The following PCDHGC5 variants were observed in gnomAD, a reference collection of about 807,000 sequenced individuals.
The protein encoded by PCDHGC5 is protocadherin gamma-C5.
Under a neutral mutation model 59.0 loss-of-function variants are expected in PCDHGC5, and 25 were observed. The observed-to-expected ratio is 0.42, with a 90% confidence interval of 0.31 to 0.59. PCDHGC5 has a LOEUF of 0.59. Ranked by LOEUF, PCDHGC5 falls within the 20% of genes least tolerant of loss-of-function variation. PCDHGC5 has a pLI of 0.13. For missense variants in PCDHGC5, 1,067 were observed against 1,206.4 expected (o/e 0.88, Z 1.71); for synonymous variants, 434 against 505.5 (o/e 0.86, Z 1.90).
Position 141,489,338 on chromosome 5 carries a change from A to T in PCDHGC5, c.98A>T (p.Tyr33Phe), listed in dbSNP as rs1303176012. 1 of 1,608,414 alleles carries T rather than the reference A, an allele frequency of 6.2e-7. No homozygotes were observed. Among genetic ancestry groups the T allele is most frequent in the South Asian group, 1.1e-5 (1 of 90,478 alleles). ...CWGWVSGQLR[Y>F]SVVEESEPGT... ...GGCTGGGTGTCTGGGCAGCTTCGTTACTCAGTGGTGGAGGAGTCTGAGCCG... is the reference window on the plus strand; with the variant it reads ...GGCTGGGTGTCTGGGCAGCTTCGTTTCTCAGTGGTGGAGGAGTCTGAGCCG... The change falls in exon 1 of 4, where the codon TAC becomes TTC. Residue 33 changes from tyrosine to phenylalanine, a missense_variant. Coordinates refer to ENST00000252087, the MANE Select transcript of PCDHGC5 (RefSeq NM_018929.3). This position sits in a 1 kb window ranked among gnomAD's most constrained non-coding sequence, Gnocchi z 4.5.
In PCDHGC5 at chr5:141,489,163, C is replaced by T. The variant is rs2099683398; in HGVS notation, c.-78C>T. 1 of 1,060,592 alleles carries T rather than the reference C, an allele frequency of 9.4e-7. No individual in the cohort carries two copies. Among genetic ancestry groups the T allele is most frequent in the Admixed American group, 2.4e-5 (1 of 41,724 alleles). The allele number at this position is 1,060,592 out of a possible 1,614,324, so 65.7% of individuals were successfully genotyped here. On this transcript the variant is annotated 5_prime_UTR_variant, in exon 1 of 4. Coordinates refer to ENST00000252087, the MANE Select transcript of PCDHGC5 (RefSeq NM_018929.3). This position sits in a 1 kb window ranked among gnomAD's most constrained non-coding sequence, Gnocchi z 4.5. ...TGGAAGGAGACATAAGAGACTTCAGCTGCTGCATTCCAAGCCCTGGGTCTA... is the reference window on the plus strand; with the variant it reads ...TGGAAGGAGACATAAGAGACTTCAGTTGCTGCATTCCAAGCCCTGGGTCTA...
At chr5:141,492,312 C>G (rs1470136040) in intron 1 of PCDHGC5, among the ~76,000 whole-genome samples, 3 of 152,230 alleles carry the variant, frequency 2.0e-5, no homozygotes, top group Non-Finnish European at 4.4e-5. Context: ...CGCACGCACT[C>G]CTCGCACGTG....
chr5:141,489,776 C>T lies in PCDHGC5; in HGVS notation c.536C>T (p.Ser179Phe). The T allele has an allele frequency of 6.2e-7, 1 of 1,614,202 alleles. No homozygotes were observed. Among genetic ancestry groups the T allele is most frequent in the Non-Finnish European group, 8.5e-7 (1 of 1,180,020 alleles). The change falls in exon 1 of 4, where the codon TCT becomes TTT. Residue 179 changes from serine to phenylalanine, a missense_variant. Transcript: ENST00000252087. This position sits in a 1 kb window ranked among gnomAD's most constrained non-coding sequence, Gnocchi z 4.5. ...ACTCTAAGCCCCAACAGCCACTTCT[C>T]TCTGAATGTGAAGACCCTAAAAGAT... ...FYTLSPNSHF[S>F]LNVKTLKDGK...
rs1354360582 is a variant in PCDHGC5 at position 141,491,147 on chromosome 5, A to T, written c.1907A>T (p.Glu636Val). Residue 636 changes from glutamate (E) to valine (V), a missense_variant, in exon 1 of 4, where the codon GAG (glutamate) becomes GTG (valine). By Grantham distance (121) the Glu-to-Val change is moderately radical (BLOSUM62 -2). Transcript: ENST00000252087. The surrounding 1 kb of genome is among the most constrained non-coding windows in gnomAD (Gnocchi z 6.9). ...GEVRTARALL[E>V]DDSDTQQVVV... ...GTGCGCACAGCCCGGGCCTTACTGG[A>T]GGATGACTCTGACACCCAGCAGGTG... The T allele has an allele frequency of 1.9e-6, 3 of 1,613,980 alleles. No homozygotes were observed. The highest frequency in any genetic ancestry group is 2.5e-6 in the Non-Finnish European group (3 of 1,179,994).
Position 141,494,802 on chromosome 5 carries a change from C to T in PCDHGC5, c.2461-5C>T. 5 of 1,614,120 alleles carry T rather than the reference C, an allele frequency of 3.1e-6. No individual in the cohort carries two copies. The highest frequency in any genetic ancestry group is 4.2e-6 in the Non-Finnish European group (5 of 1,180,016). ...TCAGCCCCTTTCCCTCTGTTTTCTC[C>T]ACAGCAAGCCCCGCCCAACACGGAC... is the stretch of plus-strand genomic sequence containing the variant. On this transcript the variant is annotated splice_polypyrimidine_tract_variant and splice_region_variant and intron_variant, in intron 1 of 3. Transcript: ENST00000252087.
intron 3 of PCDHGC5, among the ~76,000 whole-genome samples, chr5:141,510,553 A>G (rs1471878583): frequency 6.6e-6 from 1 of 152,162 alleles, no homozygotes; most frequent in Non-Finnish European, 1.5e-5. Context: ...TGTTTTGAGC[A>G]CTTACATCTA....
At chr5:141,499,606 C>T (rs2099792968) in intron 2 of PCDHGC5, among the ~76,000 whole-genome samples, 1 of 152,028 alleles carries the variant, frequency 6.6e-6, no homozygotes, top group African/African-American at 2.4e-5. Context: ...TATCCCTACC[C>T]TTATCCTGTC....
At chr5:141,507,349 A>G (rs537480798) in intron 3 of PCDHGC5, 1 of 152,236 alleles carries the variant, frequency 6.6e-6, no homozygotes, top group African/African-American at 2.4e-5. Flanking sequence ...CTGAAATTCA[A>G]ATTTAACTGG....
chr5:141,506,666 C>A (rs894880559), intron 3 of PCDHGC5, among the ~76,000 whole-genome samples: 2 of 152,120 alleles, frequency 1.3e-5, no homozygotes, highest in South Asian at 4.1e-4. Context: ...AGAGTAAGGG[C>A]ACAATATATT....
intron 2 of PCDHGC5, among the ~76,000 whole-genome samples, chr5:141,501,700 C>T (rs936448354): frequency 6.6e-6 from 1 of 151,950 alleles, no homozygotes; most frequent in African/African-American, 2.4e-5. Flanking sequence ...AGGGTGATTC[C>T]GAGGATAAAA....
chr5:141,489,530 G>A lies in PCDHGC5; in HGVS notation c.290G>A (p.Gly97Glu). 6.2e-7 allele frequency: 1 copy of A among 1,614,092 alleles called. No homozygotes were observed. Among genetic ancestry groups the A allele is most frequent in the Non-Finnish European group, 8.5e-7 (1 of 1,180,022 alleles). The change falls in exon 1 of 4, where the codon GGA (glycine) becomes GAA (glutamate). Residue 97 changes from glycine (G) to glutamate (E), a missense_variant. Physicochemically the swap from Gly to Glu is moderately conservative, Grantham distance 98. Transcript: ENST00000252087. This position sits in a 1 kb window ranked among gnomAD's most constrained non-coding sequence, Gnocchi z 4.5. ...NQKIDRESLC[G>E]ASTSCLLPVQ... ...AAGATTGACCGAGAAAGCCTATGTGGAGCCAGCACCAGCTGCCTGCTGCCA... is the reference window on the plus strand; with the variant it reads ...AAGATTGACCGAGAAAGCCTATGTGAAGCCAGCACCAGCTGCCTGCTGCCA...
chr5:141,501,897 C>T (rs796164763), intron 2 of PCDHGC5, among the ~76,000 whole-genome samples: 17 of 152,230 alleles, frequency 1.1e-4, no homozygotes, highest in African/African-American at 3.4e-4. Flanking sequence ...ATCATGGTTC[C>T]AACCCCACTG....
At chr5:141,506,863 G>A (rs1162975959) in intron 3 of PCDHGC5, among the ~76,000 whole-genome samples, 1 of 152,120 alleles carries the variant, frequency 6.6e-6, no homozygotes, top group Non-Finnish European at 1.5e-5. Context: ...GAGGACTGGT[G>A]GGTAGAGAAC....
intron 2 of PCDHGC5, among the ~76,000 whole-genome samples, chr5:141,498,436 A>G (rs566463876): frequency 6.6e-6 from 1 of 152,268 alleles, no homozygotes; most frequent in East Asian, 1.9e-4. Flanking sequence ...GGGGATGAAG[A>G]GGAGAGGTTC....
intron 3 of PCDHGC5, among the ~76,000 whole-genome samples, chr5:141,508,752 C>G (rs2099871515): frequency 6.6e-6 from 1 of 152,028 alleles, no homozygotes. Flanking sequence ...CGCTCTTTCT[C>G]TGGCGCCTCT....
At chr5:141,508,681 C>T (rs970069) in intron 3 of PCDHGC5, among the ~76,000 whole-genome samples, 26,289 of 151,984 alleles carry the variant, frequency 0.17, 2,539 homozygotes, top group Admixed American at 0.29. Flanking sequence ...CTCCCTTCTC[C>T]CTGCTTCTCC....
In PCDHGC5 at chr5:141,512,133, G is replaced by A. The variant is rs1394116556; in HGVS notation, c.*960G>A. ...CCACTACATAATAGGGCTCAGCCCA[G>A]GCAGCCAGCTTTGGGCTGAGCTAAC... On this transcript the variant is annotated 3_prime_UTR_variant, in exon 4 of 4. Coordinates refer to ENST00000252087, the MANE Select transcript of PCDHGC5 (RefSeq NM_018929.3). 3 of 152,708 alleles carry A rather than the reference G, an allele frequency of 2.0e-5. No homozygotes were observed. Among genetic ancestry groups the A allele is most frequent in the Non-Finnish European group, 2.9e-5 (2 of 68,102 alleles). 9.5% of individuals were successfully genotyped at this position (152,708 alleles called of 1,614,324 possible).
At position 141,511,940 on chromosome 5, in the gene PCDHGC5, G is replaced by A. The variant is rs2099884015; in HGVS notation, c.*767G>A. 1 of 154,118 alleles carries A rather than the reference G, an allele frequency of 6.5e-6. No homozygotes were observed. The highest frequency in any genetic ancestry group is 1.9e-4 in the East Asian group (1 of 5,214). 9.5% of individuals were successfully genotyped at this position (154,118 alleles called of 1,614,324 possible). ...TCCACTGCATGTTCCAAGACAGTAT[G>A]GGGTGGTAAGATAAGGAAGGGAAGT... On this transcript the variant is annotated 3_prime_UTR_variant, in exon 4 of 4. Coordinates refer to ENST00000252087, the MANE Select transcript of PCDHGC5 (RefSeq NM_018929.3).
intron 1 of PCDHGC5, 58 bp from the exon 2 acceptor site, chr5:141,494,749 G>A (rs573811540): frequency 2.9e-5 from 47 of 1,612,698 alleles, no homozygotes; most frequent in Non-Finnish European, 3.6e-5. Flanking sequence ...CTAGGGGCTC[G>A]GGTGACATTC....
Sources: gnomAD v4.1 joint callset for allele counts (sites outside exome capture counted in the v4.1 genomes callset) on GRCh38, gnomAD v4.1.1 for gene constraint, Gnocchi (gnomAD v3.1) non-coding constraint, MANE v1.5 for transcripts, NCBI Gene and HGNC (gene_info 2026-07-23, HGNC 2026-07-21) for gene names.